The following CPNE4 variants were observed in gnomAD, a reference collection of about 807,000 sequenced individuals.
CPNE4 encodes the protein copine-4.
A neutral mutation model predicts 67.9 loss-of-function variants in CPNE4; 25 were observed. That is an observed-to-expected ratio of 0.37 (90% CI 0.27 to 0.51). CPNE4 has a LOEUF of 0.51. Among genes scored for constraint, CPNE4 ranks in the 20% least tolerant of loss-of-function variants. The pLI is 0.93. For missense variants in CPNE4, 464 were observed against 690.8 expected, an observed-to-expected ratio of 0.67 and a Z score of 3.68; for synonymous variants, 242 against 244.9, an observed-to-expected ratio of 0.99 and a Z score of 0.11.
intron 1 of CPNE4, among the ~76,000 whole-genome samples, chr3:132,027,453 C>T (rs909143793): frequency 1.3e-5 from 2 of 152,132 alleles, no homozygotes; most frequent in Non-Finnish European, 2.9e-5. Context: ...TAGGAGCTAT[C>T]ATGAGTGTTA....
chr3:131,852,038 C>A (rs1026133456), intron 2 of CPNE4, among the ~76,000 whole-genome samples: 2 of 151,948 alleles, frequency 1.3e-5, no homozygotes, highest in African/African-American at 4.8e-5. Flanking sequence ...CAAGGTCAAG[C>A]CTGAACTTTT....
At chr3:131,940,824 T>G (rs532567736) in intron 1 of CPNE4, among the ~76,000 whole-genome samples, 8 of 152,178 alleles carry the variant, frequency 5.3e-5, no homozygotes, top group African/African-American at 1.9e-4. Context: ...GGTGTCTTTC[T>G]TCTATATATT....
At chr3:131,756,071 C>G (rs1470557557) in intron 2 of CPNE4, among the ~76,000 whole-genome samples, 1 of 151,986 alleles carries the variant, frequency 6.6e-6, no homozygotes, top group Non-Finnish European at 1.5e-5. Context: ...AGGGTTTAGT[C>G]AGTGTCTATA....
rs1321442732 is a variant in CPNE4, at chr3:131,644,347, C to T, written c.681+25328G>A. On this transcript the variant is annotated intron_variant, in intron 7 of 15. Transcript: ENST00000429747. ...TATTTTTATTGGAGACAGGGTTTCA[C>T]CATGTTAACCAGGATGGTCTTGATC... Among the ~76,000 whole-genome samples, 3 of 151,982 alleles carry T rather than the reference C, an allele frequency of 2.0e-5. No homozygotes were observed. The East Asian group carries it at 5.8e-4, about 29-fold the overall frequency.
chr3:131,965,340 TATC>T (rs1259202678), intron 1 of CPNE4, among the ~76,000 whole-genome samples: 3 of 152,108 alleles, frequency 2.0e-5, no homozygotes, highest in Admixed American at 2.0e-4. Flanking sequence ...AACCAGCTAG[TATC>T]ATGATGACAA....
At chr3:131,677,886 T>C (rs1156235604) in intron 6 of CPNE4, among the ~76,000 whole-genome samples, 1 of 152,202 alleles carries the variant, frequency 6.6e-6, no homozygotes, top group Admixed American at 6.6e-5. Context: ...GCTTTGTTCT[T>C]TTTGCTTTGG....
At chr3:131,557,459 A>C (rs1336870684) in intron 11 of CPNE4, among the ~76,000 whole-genome samples, 1 of 152,076 alleles carries the variant, frequency 6.6e-6, no homozygotes, top group African/African-American at 2.4e-5. Context: ...ATTACTAGCC[A>C]ATGATGGTTT....
At chr3:131,903,720 G>T (rs1055115901) in intron 2 of CPNE4, among the ~76,000 whole-genome samples, 1 of 152,022 alleles carries the variant, frequency 6.6e-6, no homozygotes, top group Non-Finnish European at 1.5e-5. Context: ...ATTTTTGAAA[G>T]AACTAAACTG....
intron 2 of CPNE4, among the ~76,000 whole-genome samples, chr3:131,851,644 A>C (rs1426136912): frequency 6.6e-6 from 1 of 152,104 alleles, no homozygotes; most frequent in South Asian, 2.1e-4. Context: ...AACAATTTTA[A>C]TAAGCCTCCA....
At chr3:131,872,181 CGT>C (rs138869759) in intron 2 of CPNE4, among the ~76,000 whole-genome samples, 14 of 149,998 alleles carry the variant, frequency 9.3e-5, no homozygotes, top group Admixed American at 2.0e-4. Flanking sequence ...CATGTGTGTG[CGT>C]GTGTGTGTGT....
intron 2 of CPNE4, among the ~76,000 whole-genome samples, chr3:131,876,529 C>G (rs2087461741): frequency 6.6e-6 from 1 of 150,878 alleles, no homozygotes; most frequent in Non-Finnish European, 1.5e-5. Flanking sequence ...GTAGTCCCAG[C>G]TACTCGGGAG....
At chr3:131,815,063 G>C (rs1006692984) in intron 2 of CPNE4, among the ~76,000 whole-genome samples, 1 of 152,168 alleles carries the variant, frequency 6.6e-6, no homozygotes, top group African/African-American at 2.4e-5. Context: ...AGTTAAATAC[G>C]TATAGTTTAG....
At chr3:131,707,429 G>A (rs2081440389) in intron 3 of CPNE4, among the ~76,000 whole-genome samples, 2 of 152,180 alleles carry the variant, frequency 1.3e-5, no homozygotes, top group Non-Finnish European at 2.9e-5. Context: ...CTCGTCTTGA[G>A]ATCCTTTACT....
At chr3:131,992,651 C>CA (rs1452141031) in intron 1 of CPNE4, among the ~76,000 whole-genome samples, 2 of 135,682 alleles carry the variant, frequency 1.5e-5, no homozygotes, top group African/African-American at 4.9e-5. Flanking sequence ...AATGTGAGGA[C>CA]ATAAGATTTG....
intron 2 of CPNE4, among the ~76,000 whole-genome samples, chr3:131,739,005 C>A (rs2082301946): frequency 6.6e-6 from 1 of 152,096 alleles, no homozygotes; most frequent in Non-Finnish European, 1.5e-5. Context: ...CAGATGCCTG[C>A]CACCACACAG....
chr3:131,536,047 G>T (rs1391668484), intron 15 of CPNE4, among the ~76,000 whole-genome samples: 3 of 152,090 alleles, frequency 2.0e-5, no homozygotes. Flanking sequence ...ACCATCATAG[G>T]CATAGTGAGT....
intron 5 of CPNE4, among the ~76,000 whole-genome samples, chr3:131,695,016 A>C (rs80101299): frequency 0.018 from 2,717 of 152,294 alleles, 93 homozygotes; most frequent in African/African-American, 0.062. Context: ...CTTTGGGTAA[A>C]TCATCATACC....
chr3:131,653,452 A>T (rs1413538236), intron 7 of CPNE4, among the ~76,000 whole-genome samples: 3 of 152,024 alleles, frequency 2.0e-5, no homozygotes, highest in Admixed American at 1.3e-4. Flanking sequence ...CTGGCCACTG[A>T]TACGACTTTT....
At chr3:132,010,249 A>C (rs1378904403) in intron 1 of CPNE4, among the ~76,000 whole-genome samples, 1 of 152,204 alleles carries the variant, frequency 6.6e-6, no homozygotes, top group Non-Finnish European at 1.5e-5. Flanking sequence ...GTGAAGTTTA[A>C]ATTACATGGG....
Sources: allele counts gnomAD v4.1 joint callset (sites outside exome capture counted in the v4.1 genomes callset), GRCh38; gene constraint gnomAD v4.1.1; transcripts MANE v1.5; gene names NCBI Gene and HGNC (gene_info 2026-07-23, HGNC 2026-07-21).